The following FAT4 variants were observed in gnomAD, a reference collection of about 807,000 sequenced individuals.
The protein encoded by FAT4 is FAT atypical cadherin 4, also known as protocadherin Fat 4.
FAT4 carries 84 observed loss-of-function variants against 303.9 expected under a neutral mutation model. That is an observed-to-expected ratio of 0.28 (90% CI 0.23 to 0.33). FAT4 has a LOEUF of 0.33. Ranked by LOEUF, FAT4 falls within the 10% of genes least tolerant of loss-of-function variation. The pLI, the probability that FAT4 is intolerant of heterozygous loss-of-function variation, is 1.00. For missense variants in FAT4, 6,005 were observed against 6,146.8 expected (o/e 0.98, Z 0.77); for synonymous variants, 2,307 against 2,298.8 (o/e 1.00, Z -0.10).
At chr4:125,402,934 A>G (rs1184724003) in intron 3 of FAT4, among the ~76,000 whole-genome samples, 3 of 152,012 alleles carry the variant, frequency 2.0e-5, no homozygotes, top group African/African-American at 7.2e-5. Flanking sequence ...TTCTAGCACT[A>G]CTTATACCTA....
intron 5 of FAT4, among the ~76,000 whole-genome samples, chr4:125,409,432 T>G (rs1327552917): frequency 2.6e-5 from 4 of 152,036 alleles, no homozygotes; most frequent in African/African-American, 7.2e-5. Flanking sequence ...AATTTTGTAT[T>G]TTTAGTAGAG....
intron 12 of FAT4, among the ~76,000 whole-genome samples, chr4:125,473,200 C>T (rs1168570937): frequency 2.6e-5 from 4 of 152,014 alleles, no homozygotes. Context: ...GGTGCTTAAA[C>T]AGGTGTTGGT....
At chr4:125,322,518 T>A (rs1730993451) in intron 2 of FAT4, among the ~76,000 whole-genome samples, 1 of 152,124 alleles carries the variant, frequency 6.6e-6, no homozygotes, top group South Asian at 2.1e-4. Flanking sequence ...TTGCTGTTTC[T>A]CAGTTCATTC....
At chr4:125,467,984 G>A (rs1237813752) in intron 11 of FAT4, among the ~76,000 whole-genome samples, 1 of 152,022 alleles carries the variant, frequency 6.6e-6, no homozygotes, top group Non-Finnish European at 1.5e-5. Context: ...GACCAACAAG[G>A]TGAAATCTCG....
rs1232454301 is a variant in FAT4 at position 125,316,901 on chromosome 4, A to T, written c.490A>T (p.Ile164Phe). The change falls in exon 2 of 18, where the codon ATC (isoleucine) becomes TTC (phenylalanine). Residue 164 changes from isoleucine (I) to phenylalanine (F), a missense_variant. Transcript: ENST00000394329. This position sits in a 1 kb window ranked among gnomAD's most constrained non-coding sequence, Gnocchi z 5.7. ...VILDTATDSD[I>F]GSNGVDHRSY... ...CTTAGACACCGCCACCGACTCGGACATCGGCTCAAACGGTGTGGACCACCG... is the reference window on the plus strand; with the variant it reads ...CTTAGACACCGCCACCGACTCGGACTTCGGCTCAAACGGTGTGGACCACCG... The T allele has an allele frequency of 6.2e-7, 1 of 1,614,056 alleles. No homozygotes were observed. The highest frequency in any genetic ancestry group is 8.5e-7 in the Non-Finnish European group (1 of 1,180,044).
intron 7 of FAT4, among the ~76,000 whole-genome samples, chr4:125,419,953 A>T (rs1735220816): frequency 6.6e-6 from 1 of 152,206 alleles, no homozygotes; most frequent in African/African-American, 2.4e-5. Context: ...CCTTTCTGCC[A>T]TGTTGGCCTT....
At chr4:125,346,092 A>T (rs1443251034) in intron 2 of FAT4, among the ~76,000 whole-genome samples, 1 of 152,072 alleles carries the variant, frequency 6.6e-6, no homozygotes, top group African/African-American at 2.4e-5. Flanking sequence ...GTGACACTTT[A>T]ATAAAGTCAT....
At chr4:125,351,829 C>A (rs1732237085) in intron 2 of FAT4, among the ~76,000 whole-genome samples, 1 of 151,588 alleles carries the variant, frequency 6.6e-6, no homozygotes, top group Admixed American at 6.6e-5. Context: ...AAATACTCAT[C>A]CTAAGAAAGA....
rs369144497 is a variant in FAT4, at chr4:125,416,521, A to G, written c.6917A>G (p.Asn2306Ser). 2.5e-5 allele frequency: 40 copies of G among 1,614,038 alleles called. No homozygotes were observed. Among genetic ancestry groups the G allele is most frequent in the African/African-American group, 1.3e-4 (10 of 75,028 alleles). Residue 2306 changes from asparagine to serine, a missense_variant, in exon 7 of 18, where the codon AAT becomes AGT. Coordinates refer to ENST00000394329, the MANE Select transcript of FAT4 (RefSeq NM_001291303.3). ...SYVLFGGNEDNAFTLSASGEL... is the reference protein window; with the variant it reads ...SYVLFGGNEDSAFTLSASGEL... The stretch of plus-strand genomic sequence containing the variant: ...GTTCTGTTTGGTGGTAATGAAGACA[A>G]TGCTTTTACTCTCTCAGCCAGTGGA...
At chr4:125,478,633 G>A (rs888922685) in intron 14 of FAT4, among the ~76,000 whole-genome samples, 1 of 152,056 alleles carries the variant, frequency 6.6e-6, no homozygotes, top group Non-Finnish European at 1.5e-5. Flanking sequence ...CTGGGTTCAA[G>A]CAATTATCTG....
intron 11 of FAT4, 144 bp downstream of exon 11, chr4:125,463,811 A>G: frequency 3.9e-6 from 2 of 512,490 alleles, no homozygotes; most frequent in South Asian, 7.3e-5. Context: ...TAAATGTTTA[A>G]CATTTGTAAA....
chr4:125,329,293 G>A (rs968996274), intron 2 of FAT4, among the ~76,000 whole-genome samples: 1 of 152,174 alleles, frequency 6.6e-6, no homozygotes, highest in African/African-American at 2.4e-5. Context: ...TCTTACTGAG[G>A]CCACTATGAT....
Position 125,317,295 on chromosome 4 carries a change from C to G in FAT4, c.884C>G (p.Pro295Arg). ...IRYRLQDEGT[P>R]FQMDPETGLI... ...TATCGCCTGCAGGACGAGGGGACCCCCTTCCAAATGGACCCTGAGACGGGA... is the reference window on the plus strand; with the variant it reads ...TATCGCCTGCAGGACGAGGGGACCCGCTTCCAAATGGACCCTGAGACGGGA... The change falls in exon 2 of 18, where the codon CCC becomes CGC. Residue 295 changes from proline (P) to arginine (R), a missense_variant. Coordinates refer to ENST00000394329, the MANE Select transcript of FAT4 (RefSeq NM_001291303.3). The surrounding 1 kb of genome is among the most constrained non-coding windows in gnomAD (Gnocchi z 7.0). The G allele has an allele frequency of 2.5e-6, 4 of 1,596,754 alleles. No individual in the cohort carries two copies. The highest frequency in any genetic ancestry group is 3.4e-6 in the Non-Finnish European group (4 of 1,169,224).
intron 2 of FAT4, among the ~76,000 whole-genome samples, chr4:125,374,174 G>T (rs1199580736): frequency 6.6e-6 from 1 of 152,140 alleles, no homozygotes; most frequent in Non-Finnish European, 1.5e-5. Flanking sequence ...TCACGTGGTG[G>T]TCTGTGAATC....
At chr4:125,334,835 T>C (rs919989157) in intron 2 of FAT4, among the ~76,000 whole-genome samples, 2 of 152,176 alleles carry the variant, frequency 1.3e-5, no homozygotes, top group African/African-American at 4.8e-5. Flanking sequence ...TTTAAGATAG[T>C]ACTTTAAAAT....
chr4:125,471,153 C>T (rs879636883), intron 12 of FAT4, among the ~76,000 whole-genome samples: 8 of 152,168 alleles, frequency 5.3e-5, no homozygotes, highest in Admixed American at 2.6e-4. Context: ...AGCTTGCCAT[C>T]GTATATGGCA....
rs746346317 is a variant in FAT4, at chr4:125,398,859, G to A, written c.5251G>A (p.Glu1751Lys). 13 of 1,613,144 alleles carry A rather than the reference G, an allele frequency of 8.1e-6. No homozygotes were observed. Among genetic ancestry groups the A allele is most frequent in the Non-Finnish European group, 1.1e-5 (13 of 1,179,374 alleles). The change falls in exon 3 of 18, where the codon GAG becomes AAG. Residue 1751 changes from glutamate to lysine, a missense_variant. By Grantham distance (56) the Glu-to-Lys change is moderately conservative. Transcript: ENST00000394329. ...PTDMLDLTVE[E>K]NIGDGSKIMQ... ...GGACATGCTGGATCTCACGGTAGAG[G>A]AGAACATTGGAGATGGCTCTAAGAT...
Position 125,317,390 on chromosome 4 carries a change from G to A in FAT4, c.979G>A (p.Asp327Asn). 6.2e-7 allele frequency: 1 copy of A among 1,613,488 alleles called. No individual in the cohort carries two copies. Among genetic ancestry groups the A allele is most frequent in the Non-Finnish European group, 8.5e-7 (1 of 1,180,044 alleles). The change falls in exon 2 of 18, where the codon GAC (aspartate) becomes AAC (asparagine). Residue 327 changes from aspartate (D) to asparagine (N), a missense_variant. Physicochemically the swap from Asp to Asn is conservative, Grantham distance 23. Coordinates refer to ENST00000394329, the MANE Select transcript of FAT4 (RefSeq NM_001291303.3). The surrounding 1 kb of genome is among the most constrained non-coding windows in gnomAD (Gnocchi z 7.0). ...ATACTCGCTTACGGTGCAGGCGATG[G>A]ACAGAGGCGTGCCTTCCCTCACTGG... is the stretch of plus-strand genomic sequence containing the variant. The part of the protein sequence containing the change: ...RQYSLTVQAM[D>N]RGVPSLTGRA...
Position 125,406,981 on chromosome 4 carries a change from C to G in FAT4, c.5409C>G (p.Asp1803Glu). 1 of 1,613,844 alleles carries G rather than the reference C, an allele frequency of 6.2e-7. No individual in the cohort carries two copies. Among genetic ancestry groups the G allele is most frequent in the Admixed American group, 1.7e-5 (1 of 59,976 alleles). ...ATCTGATAGCAACCAGGCGGTTGGA[C>G]AGGGAACGCCGCTCCAAATATTCAC... Reference protein sequence around the residue: ...SGDLIATRRLDRERRSKYSLL... With the variant: ...SGDLIATRRLERERRSKYSLL... Residue 1803 changes from aspartate to glutamate, a missense_variant, in exon 4 of 18, where the codon GAC (aspartate) becomes GAG (glutamate). By Grantham distance (45) the Asp-to-Glu change is conservative. Coordinates refer to ENST00000394329, the MANE Select transcript of FAT4 (RefSeq NM_001291303.3).
Sources: allele counts gnomAD v4.1 joint callset (sites outside exome capture counted in the v4.1 genomes callset), GRCh38; gene constraint gnomAD v4.1.1; non-coding constraint Gnocchi (gnomAD v3.1); transcripts MANE v1.5; gene names NCBI Gene and HGNC (gene_info 2026-07-23, HGNC 2026-07-21).